The following SP3 variants were observed in gnomAD, a reference collection of about 807,000 sequenced individuals.
SP3 encodes the protein transcription factor Sp3.
Under a neutral mutation model 70.3 loss-of-function variants are expected in SP3, and 10 were observed. The observed-to-expected ratio is 0.14, with a 90% confidence interval of 0.09 to 0.24. The LOEUF is 0.24. SP3 is among the 10% of genes least tolerant of loss of function. SP3 has a pLI of 1.00. For missense variants in SP3, 825 were observed against 914.6 expected (o/e 0.90, Z 1.26); for synonymous variants, 402 against 333.5 (o/e 1.21, Z -2.24).
At chr2:173,917,463 A>G (rs1689642627) in intron 5 of SP3, among the ~76,000 whole-genome samples, 2 of 151,298 alleles carry the variant, frequency 1.3e-5, no homozygotes, top group African/African-American at 2.4e-5. Context: ...GAGTCACTCA[A>G]CCTCTCTATG....
At chr2:173,928,772 C>A (rs1431185846) in intron 4 of SP3, among the ~76,000 whole-genome samples, 4 of 152,148 alleles carry the variant, frequency 2.6e-5, no homozygotes, top group African/African-American at 9.7e-5. Context: ...GGTTGGCTTT[C>A]ACAAAGAATA....
chr2:173,955,649 G>C lies in SP3; in HGVS notation c.863C>G (p.Ala288Gly). 1 of 1,614,176 alleles carries C rather than the reference G, an allele frequency of 6.2e-7. No individual in the cohort carries two copies. The highest frequency in any genetic ancestry group is 8.5e-7 in the Non-Finnish European group (1 of 1,180,026). The part of the protein sequence containing the change: ...GLSGSSQTMT[A>G]GINADGHLIN... The stretch of plus-strand genomic sequence containing the variant: ...CAAATGTCCGTCGGCATTAATGCCT[G>C]CAGTCATTGTCTGAGAACTGCCCGA... Residue 288 changes from alanine (A) to glycine (G), a missense_variant, in exon 4 of 7, where the codon GCA (alanine) becomes GGA (glycine). Coordinates refer to ENST00000310015, the MANE Select transcript of SP3 (RefSeq NM_003111.5).
At chr2:173,964,620 C>A in intron 1 of SP3, 67 bp from the exon 2 acceptor site, 2 of 616,208 alleles carry the variant, frequency 3.2e-6, no homozygotes, top group Middle Eastern at 4.3e-4. Flanking sequence ...AGGGGGCCCG[C>A]GGGCCGAAGC....
At chr2:173,963,197 T>C (rs980531768) in intron 3 of SP3, 3 of 152,328 alleles carry the variant, frequency 2.0e-5, no homozygotes, top group African/African-American at 7.2e-5. Flanking sequence ...CTGCAAATTT[T>C]AGTAGTCTGC....
chr2:173,937,038 CTA>C (rs1690228857), intron 4 of SP3, among the ~76,000 whole-genome samples: 1 of 152,136 alleles, frequency 6.6e-6, no homozygotes, highest in Non-Finnish European at 1.5e-5. Context: ...CTCCATGTAT[CTA>C]TCTTAAATAC....
chr2:173,906,281 A>G lies in SP3; in HGVS notation c.*3660T>C, dbSNP rs1317942333. ...TACTTTGTTTCTGCCACTAATATATATATTTACATTATACGCAAATCTGTC... is the reference window on the plus strand; with the variant it reads ...TACTTTGTTTCTGCCACTAATATATGTATTTACATTATACGCAAATCTGTC... On this transcript the variant is annotated 3_prime_UTR_variant, in exon 7 of 7. Coordinates refer to ENST00000310015, the MANE Select transcript of SP3 (RefSeq NM_003111.5). Among the ~76,000 whole-genome samples, 1 of 152,180 alleles carries G rather than the reference A, an allele frequency of 6.6e-6. No individual in the cohort carries two copies. The highest frequency in any genetic ancestry group is 1.9e-4 in the East Asian group (1 of 5,200).
intron 4 of SP3, among the ~76,000 whole-genome samples, chr2:173,943,249 T>C (rs1690430030): frequency 6.6e-6 from 1 of 152,128 alleles, no homozygotes; most frequent in African/African-American, 2.4e-5. Flanking sequence ...ATGGCGTATA[T>C]TATCTGGCCC....
intron 4 of SP3, among the ~76,000 whole-genome samples, chr2:173,950,026 T>TA (rs1475149050): frequency 6.6e-6 from 1 of 152,006 alleles, no homozygotes; most frequent in Non-Finnish European, 1.5e-5. Flanking sequence ...ACAGCAACGA[T>TA]AAAGTAAAAA....
intron 6 of SP3, among the ~76,000 whole-genome samples, chr2:173,911,384 ACTT>A (rs764414351): frequency 6.6e-6 from 1 of 152,174 alleles, no homozygotes; most frequent in Non-Finnish European, 1.5e-5. Flanking sequence ...AAGGTCTCTC[ACTT>A]CTTCTATTAA....
At chr2:173,964,753 C>CCCT (rs1050310605) in intron 1 of SP3, 200 bp from the exon 2 acceptor site, 21 of 425,128 alleles carry the variant, frequency 4.9e-5, no homozygotes, top group South Asian at 7.8e-5. Context: ...CTGCCTGTAA[C>CCCT]CCTCCTCCTC....
At position 173,906,599 on chromosome 2, in the gene SP3, A is replaced by G. The variant is rs1305055660; in HGVS notation, c.*3342T>C. On this transcript the variant is annotated 3_prime_UTR_variant, in exon 7 of 7. Coordinates refer to ENST00000310015, the MANE Select transcript of SP3 (RefSeq NM_003111.5). ...TCAGTTTATATTATTTTAAAACCAAATGTTATTCCATAATCATTTATGCAA... is the reference window on the plus strand; with the variant it reads ...TCAGTTTATATTATTTTAAAACCAAGTGTTATTCCATAATCATTTATGCAA... 6.6e-6 allele frequency: 1 copy of G among 152,242 alleles called. No homozygotes were observed. The highest frequency in any genetic ancestry group is 6.5e-5 in the Admixed American group (1 of 15,294). 9.4% of individuals were successfully genotyped at this position (152,242 alleles called of 1,614,324 possible). A position where few individuals can be genotyped will look rare whatever the true frequency, so the allele number is the denominator to read the frequency against.
chr2:173,941,292 T>C (rs1431109180), intron 4 of SP3, among the ~76,000 whole-genome samples: 1 of 152,180 alleles, frequency 6.6e-6, no homozygotes, highest in Admixed American at 6.5e-5. Context: ...TTCTCTCTCA[T>C]CTTATGTACC....
At chr2:173,959,893 TTCTC>T (rs1259658056) in intron 3 of SP3, among the ~76,000 whole-genome samples, 1 of 152,256 alleles carries the variant, frequency 6.6e-6, no homozygotes, top group African/African-American at 2.4e-5. Context: ...CCACCAGTGT[TTCTC>T]TCAGTACCTT....
At chr2:173,934,171 T>C (rs1690152186) in intron 4 of SP3, among the ~76,000 whole-genome samples, 1 of 151,980 alleles carries the variant, frequency 6.6e-6, no homozygotes, top group East Asian at 1.9e-4. Flanking sequence ...GCCCAGGAGT[T>C]TGAGGCTGCA....
At position 173,905,841 on chromosome 2, in the gene SP3, A is replaced by G; in HGVS notation, c.*4100T>C. On this transcript the variant is annotated 3_prime_UTR_variant, in exon 7 of 7. Coordinates refer to ENST00000310015, the MANE Select transcript of SP3 (RefSeq NM_003111.5). The stretch of plus-strand genomic sequence containing the variant: ...TAGTGAGACCCCATCTCTACAAAAC[A>G]AATTAAAATTAACTGAGCATGGTGG... Among the ~76,000 whole-genome samples, 1 of 152,136 alleles carries G rather than the reference A, an allele frequency of 6.6e-6. No homozygotes were observed. Among genetic ancestry groups the G allele is most frequent in the East Asian group, 1.9e-4 (1 of 5,186 alleles).
At chr2:173,964,838 C>G (rs983145782) in intron 1 of SP3, 45 of 480,250 alleles carry the variant, frequency 9.4e-5, no homozygotes, top group Non-Finnish European at 1.8e-5. Context: ...CCCTTCGCGC[C>G]GCTCGCTCTC....
chr2:173,963,132 C>G (rs563918999), intron 3 of SP3: 7 of 152,186 alleles, frequency 4.6e-5, no homozygotes, highest in African/African-American at 1.7e-4. Flanking sequence ...AAGCAACTTG[C>G]TGATTTCAAA....
At chr2:173,964,149 G>T in intron 2 of SP3, 1 of 381,610 alleles carries the variant, frequency 2.6e-6, no homozygotes. Context: ...CTTCCGCCCG[G>T]AACCCACCCC....
intron 4 of SP3, among the ~76,000 whole-genome samples, chr2:173,923,327 G>A (rs1056079370): frequency 3.3e-5 from 5 of 151,826 alleles, no homozygotes; most frequent in Non-Finnish European, 7.4e-5. Context: ...GGCAAGAATT[G>A]AAGAGAAAAA....
Sources: allele counts gnomAD v4.1 joint callset (sites outside exome capture counted in the v4.1 genomes callset), GRCh38; gene constraint gnomAD v4.1.1; transcripts MANE v1.5; gene names NCBI Gene and HGNC (gene_info 2026-07-23, HGNC 2026-07-21).